The following CNTN5 variants were observed in gnomAD, a reference collection of about 807,000 sequenced individuals.
CNTN5 encodes the protein contactin-5.
CNTN5 carries 77 observed loss-of-function variants against 129.1 expected under a neutral mutation model. That is an observed-to-expected ratio of 0.60 (90% confidence interval 0.50 to 0.72). The LOEUF (loss-of-function observed/expected upper bound fraction) is 0.72. Among genes scored for constraint, CNTN5 ranks in the 30% least tolerant of loss-of-function variants. CNTN5 has a pLI of 0.00. For synonymous variants in CNTN5, 509 were observed against 465.6 expected (o/e 1.09, Z -1.20); for missense variants, 1,478 against 1,328.8 (o/e 1.11, Z -1.75).
chr11:99,822,606 C>T (rs547510694), intron 4 of CNTN5, among the ~76,000 whole-genome samples: 10 of 152,150 alleles, frequency 6.6e-5, no homozygotes, highest in Admixed American at 2.6e-4. Context: ...CTTACCACTG[C>T]GGACAAAGGG....
In CNTN5 at chr11:99,176,745, G is replaced by A. The variant is rs146399900; in HGVS notation, c.-209-148601G>A. On this transcript the variant is annotated intron_variant, in intron 1 of 24. Coordinates refer to ENST00000524871, the MANE Select transcript of CNTN5 (RefSeq NM_014361.4). ...CTTGGTTAGATGCCATCACTTCTCT[G>A]TATCTTTGCAATAAAATTCTAATTG... 4.3e-3 allele frequency among the ~76,000 whole-genome samples: 653 copies of A among 152,246 alleles called. 6 individuals are homozygous for A. The highest frequency in any genetic ancestry group is 0.013 in the African/African-American group (553 of 41,542).
intron 1 of CNTN5, among the ~76,000 whole-genome samples, chr11:99,212,457 G>A (rs1266877267): frequency 2.6e-5 from 4 of 151,992 alleles, no homozygotes; most frequent in South Asian, 2.1e-4. Flanking sequence ...TTCCTTGCAC[G>A]TCGAAGGTGC....
At chr11:99,258,396 A>G (rs1565443835) in intron 1 of CNTN5, among the ~76,000 whole-genome samples, 1 of 151,928 alleles carries the variant, frequency 6.6e-6, no homozygotes, top group Non-Finnish European at 1.5e-5. Flanking sequence ...AACATGCTAT[A>G]TTTGGTTTTC....
chr11:99,479,980 A>G (rs905407671), intron 2 of CNTN5, among the ~76,000 whole-genome samples: 3 of 149,652 alleles, frequency 2.0e-5, no homozygotes, highest in Non-Finnish European at 3.0e-5. Flanking sequence ...AAAAAAAGCT[A>G]AACCCTTTAT....
At chr11:99,374,792 GATC>G (rs1481260747) in intron 2 of CNTN5, among the ~76,000 whole-genome samples, 3 of 152,190 alleles carry the variant, frequency 2.0e-5, no homozygotes, top group Non-Finnish European at 2.9e-5. Context: ...TCCAGACTTA[GATC>G]ATCATGTAAA....
chr11:99,346,126 A>T (rs1022988489), intron 2 of CNTN5, among the ~76,000 whole-genome samples: 11 of 152,094 alleles, frequency 7.2e-5, no homozygotes, highest in Non-Finnish European at 1.0e-4. Context: ...TCTATATTTG[A>T]CTTTTTCACT....
At chr11:99,496,159 A>G (rs530842305) in intron 2 of CNTN5, among the ~76,000 whole-genome samples, 1 of 152,350 alleles carries the variant, frequency 6.6e-6, no homozygotes, top group South Asian at 2.1e-4. Flanking sequence ...TCACAATAAT[A>G]GAAGTAATCA....
intron 3 of CNTN5, among the ~76,000 whole-genome samples, chr11:99,623,838 G>A (rs1451519663): frequency 3.3e-5 from 5 of 151,888 alleles, no homozygotes; most frequent in Admixed American, 1.3e-4. Flanking sequence ...ATATTGGGGT[G>A]CGTAGTAACC....
intron 7 of CNTN5, among the ~76,000 whole-genome samples, chr11:99,950,775 C>T (rs1950655920): frequency 6.6e-6 from 1 of 152,138 alleles, no homozygotes; most frequent in African/African-American, 2.4e-5. Flanking sequence ...AGCATTACTA[C>T]CACGTAGACA....
At chr11:99,207,267 A>T (rs1451647017) in intron 1 of CNTN5, among the ~76,000 whole-genome samples, 1 of 152,198 alleles carries the variant, frequency 6.6e-6, no homozygotes, top group Non-Finnish European at 1.5e-5. Flanking sequence ...CATGTACCAC[A>T]TACAATAATT....
chr11:99,823,938 C>A (rs1269002855), intron 4 of CNTN5, among the ~76,000 whole-genome samples: 1 of 151,916 alleles, frequency 6.6e-6, no homozygotes, highest in Non-Finnish European at 1.5e-5. Flanking sequence ...CAGTCATGAT[C>A]CACCTTTTCT....
At chr11:99,944,802 C>A (rs1414196641) in intron 7 of CNTN5, among the ~76,000 whole-genome samples, 2 of 152,012 alleles carry the variant, frequency 1.3e-5, no homozygotes, top group Non-Finnish European at 2.9e-5. Flanking sequence ...ATACAACTTA[C>A]AAGGGACATG....
At chr11:99,839,464 G>C (rs546702188) in intron 4 of CNTN5, among the ~76,000 whole-genome samples, 1 of 151,966 alleles carries the variant, frequency 6.6e-6, no homozygotes, top group Non-Finnish European at 1.5e-5. Flanking sequence ...GACCATTGAA[G>C]TTGAGGCAGA....
rs556325382 is a variant in CNTN5, at chr11:99,554,565, A to G, written c.-70-1580A>G. 1.1e-3 allele frequency among the ~76,000 whole-genome samples: 165 copies of G among 152,264 alleles called. 2 individuals are homozygous for G. The highest frequency in any genetic ancestry group is 3.7e-3 in the African/African-American group (155 of 41,576). ...ATTTAGAACAACAGAGGACCTTAGG[A>G]CATTGTAAATAGAGCGAGAAGTACC... On this transcript the variant is annotated intron_variant, in intron 2 of 24. Coordinates refer to ENST00000524871, the MANE Select transcript of CNTN5 (RefSeq NM_014361.4).
intron 2 of CNTN5, among the ~76,000 whole-genome samples, chr11:99,541,144 A>G (rs1341161271): frequency 6.6e-6 from 1 of 152,166 alleles, no homozygotes; most frequent in Non-Finnish European, 1.5e-5. Flanking sequence ...CTACTCTGGA[A>G]GATTTAAGGA....
At chr11:99,252,082 G>A (rs1043283654) in intron 1 of CNTN5, among the ~76,000 whole-genome samples, 1 of 151,696 alleles carries the variant, frequency 6.6e-6, no homozygotes, top group East Asian at 1.9e-4. Context: ...TCATTCTCTT[G>A]ATTCTCCCTC....
intron 15 of CNTN5, among the ~76,000 whole-genome samples, chr11:100,221,434 C>T (rs568521223): frequency 7.6e-4 from 115 of 152,234 alleles, no homozygotes; most frequent in African/African-American, 1.8e-3. Flanking sequence ...GGCAGTCTTA[C>T]GTTGGATGAG....
intron 9 of CNTN5, among the ~76,000 whole-genome samples, chr11:100,041,568 T>C (rs567397471): frequency 6.6e-6 from 1 of 152,346 alleles, no homozygotes; most frequent in Admixed American, 6.5e-5. Context: ...CTCCCCATTT[T>C]GCTGGATACA....
At chr11:99,906,846 G>A (rs899993718) in intron 6 of CNTN5, among the ~76,000 whole-genome samples, 21 of 151,928 alleles carry the variant, frequency 1.4e-4, no homozygotes, top group African/African-American at 5.1e-4. Context: ...CTATTCAGAG[G>A]TTTGACTTCT....
Sources: gnomAD v4.1 joint callset for allele counts (sites outside exome capture counted in the v4.1 genomes callset) on GRCh38, gnomAD v4.1.1 for gene constraint, MANE v1.5 for transcripts, NCBI Gene and HGNC (gene_info 2026-07-23, HGNC 2026-07-21) for gene names.